Variants in TMEM132D observed in about 807,000 individuals in gnomAD.
TMEM132D encodes transmembrane protein 132D, also known as mature OL transmembrane protein.
A neutral mutation model predicts 62.3 loss-of-function variants in TMEM132D; 21 were observed. The observed-to-expected ratio is 0.34, with a 90% CI of 0.24 to 0.49. The LOEUF is 0.49. Ranked by LOEUF, TMEM132D falls within the 20% of genes least tolerant of loss-of-function variation. TMEM132D has a pLI of 0.99. For missense variants in TMEM132D, 1,346 were observed against 1,402.8 expected (o/e 0.96, Z 0.65); for synonymous variants, 621 against 575.6 (o/e 1.08, Z -1.13).
intron 3 of TMEM132D, among the ~76,000 whole-genome samples, chr12:129,485,947 C>G (rs1213535358): frequency 6.6e-6 from 1 of 152,180 alleles, no homozygotes; most frequent in East Asian, 1.9e-4. Flanking sequence ...TGTTGGTGAG[C>G]CTCCACATTC....
At chr12:129,152,720 T>C (rs1480466790) in intron 5 of TMEM132D, among the ~76,000 whole-genome samples, 2 of 152,136 alleles carry the variant, frequency 1.3e-5, no homozygotes, top group African/African-American at 4.8e-5. Flanking sequence ...TTAGAGATTA[T>C]TTCCTGGATG....
intron 1 of TMEM132D, among the ~76,000 whole-genome samples, chr12:129,874,474 C>T (rs1369508603): frequency 2.0e-5 from 3 of 151,270 alleles, no homozygotes; most frequent in Non-Finnish European, 2.9e-5. Context: ...GTGATGAATG[C>T]GTTCATTAAC....
chr12:129,640,877 T>C (rs1008587528), intron 2 of TMEM132D, among the ~76,000 whole-genome samples: 2 of 151,878 alleles, frequency 1.3e-5, no homozygotes, highest in African/African-American at 4.8e-5. Flanking sequence ...CTCATAGGAG[T>C]GCCAACCCTA....
intron 5 of TMEM132D, among the ~76,000 whole-genome samples, chr12:129,132,754 CTATGTACACCT>C (rs2135525823): frequency 6.6e-6 from 1 of 152,308 alleles, no homozygotes; most frequent in Non-Finnish European, 1.5e-5. Flanking sequence ...TACACCTTAA[CTATGTACACCT>C]TTCATTCTTC....
chr12:129,626,796 T>G (rs1879230145), intron 2 of TMEM132D, among the ~76,000 whole-genome samples: 1 of 152,108 alleles, frequency 6.6e-6, no homozygotes, highest in Non-Finnish European at 1.5e-5. Flanking sequence ...TTGGCTAATG[T>G]TTTTTATTTT....
intron 5 of TMEM132D, among the ~76,000 whole-genome samples, chr12:129,203,173 G>A (rs1382727280): frequency 6.6e-6 from 1 of 152,160 alleles, no homozygotes; most frequent in Non-Finnish European, 1.5e-5. Context: ...AAATACAGCA[G>A]ATGCTGAACT....
intron 4 of TMEM132D, among the ~76,000 whole-genome samples, chr12:129,258,840 T>C (rs911733845): frequency 6.6e-6 from 1 of 152,188 alleles, no homozygotes; most frequent in Admixed American, 6.5e-5. Flanking sequence ...CAAATAATAA[T>C]ACATGCTGTA....
chr12:129,749,943 T>C (rs1233425620), intron 1 of TMEM132D, among the ~76,000 whole-genome samples: 1 of 152,208 alleles, frequency 6.6e-6, no homozygotes, highest in Admixed American at 6.5e-5. Flanking sequence ...TCCCTTCCTG[T>C]GGCAGTGGTT....
intron 5 of TMEM132D, among the ~76,000 whole-genome samples, chr12:129,137,181 C>A: frequency 6.8e-6 from 1 of 146,104 alleles, no homozygotes; most frequent in South Asian, 2.2e-4. Flanking sequence ...ATCATCACCA[C>A]CATCATCACA....
intron 1 of TMEM132D, among the ~76,000 whole-genome samples, chr12:129,778,883 C>T (rs557539054): frequency 1.4e-4 from 21 of 152,274 alleles, no homozygotes; most frequent in African/African-American, 4.3e-4. Context: ...CTGCTTACCT[C>T]GCCTGTGGCA....
chr12:129,600,505 A>G (rs1878457436), intron 2 of TMEM132D, among the ~76,000 whole-genome samples: 1 of 152,192 alleles, frequency 6.6e-6, no homozygotes, highest in African/African-American at 2.4e-5. Context: ...ATCCTTTCCA[A>G]AAGGTTTTCA....
In TMEM132D at chr12:129,440,397, G is replaced by A. The variant is rs922466612; in HGVS notation, c.1115+90662C>T. Among the ~76,000 whole-genome samples the A allele has an allele frequency of 2.0e-5, 3 of 152,258 alleles. No homozygotes were observed. The East Asian group carries it at 5.8e-4, about 29-fold the overall frequency. On this transcript the variant is annotated intron_variant, in intron 3 of 8. Coordinates refer to ENST00000422113, the MANE Select transcript of TMEM132D (RefSeq NM_133448.3). ...GATGCTACAAACTCTGAAGAGATCT[G>A]GAGAGTGAAAAGACGGCCATTCTGT...
intron 2 of TMEM132D, among the ~76,000 whole-genome samples, chr12:129,668,000 C>T (rs1467683343): frequency 4.6e-5 from 7 of 151,486 alleles, no homozygotes; most frequent in Admixed American, 2.0e-4. Context: ...TGTCTCCTTT[C>T]GGTCCTCTTT....
intron 2 of TMEM132D, among the ~76,000 whole-genome samples, chr12:129,539,979 G>T (rs1876540254): frequency 6.6e-6 from 1 of 152,168 alleles, no homozygotes; most frequent in Non-Finnish European, 1.5e-5. Context: ...CGGCCAGGCT[G>T]GCTGATGGCT....
At chr12:129,096,605 C>T (rs1161198891) in intron 5 of TMEM132D, among the ~76,000 whole-genome samples, 1 of 152,130 alleles carries the variant, frequency 6.6e-6, no homozygotes, top group Non-Finnish European at 1.5e-5. Flanking sequence ...AGGAGTTAAG[C>T]GCTGGGGGCT....
At chr12:129,472,668 G>A (rs1431707506) in intron 3 of TMEM132D, among the ~76,000 whole-genome samples, 1 of 152,074 alleles carries the variant, frequency 6.6e-6, no homozygotes, top group East Asian at 1.9e-4. Context: ...GGTGGTTTGT[G>A]GACATAGTTG....
In TMEM132D at chr12:129,580,255, G is replaced by A. The variant is rs75399149; in HGVS notation, c.969-49050C>T. Among the ~76,000 whole-genome samples the A allele has an allele frequency of 8.3e-3, 1,270 of 152,272 alleles. 27 individuals carry two copies. Among genetic ancestry groups the A allele is most frequent in the African/African-American group, 0.029 (1,187 of 41,544 alleles). On this transcript the variant is annotated intron_variant, in intron 2 of 8. Coordinates refer to ENST00000422113, the MANE Select transcript of TMEM132D (RefSeq NM_133448.3). ...ACTCGGGTCGAAAATAAGACACACA[G>A]CCTAAGTGAAATGTGAAGCCATCAG...
At chr12:129,120,405 A>C (rs1428312344) in intron 5 of TMEM132D, among the ~76,000 whole-genome samples, 1 of 152,226 alleles carries the variant, frequency 6.6e-6, no homozygotes, top group African/African-American at 2.4e-5. Flanking sequence ...TCAACATCAC[A>C]CAGGGATGTT....
intron 5 of TMEM132D, among the ~76,000 whole-genome samples, chr12:129,194,633 A>G (rs11834971): frequency 0.061 from 9,359 of 152,232 alleles, 438 homozygotes; most frequent in African/African-American, 0.14. Context: ...AAAAATAAAC[A>G]TTATCCATTA....
Sources: allele counts gnomAD v4.1 joint callset (sites outside exome capture counted in the v4.1 genomes callset), GRCh38; gene constraint gnomAD v4.1.1; transcripts MANE v1.5; gene names NCBI Gene and HGNC (gene_info 2026-07-23, HGNC 2026-07-21).